Variants in SLC15A2 observed in about 807,000 individuals in gnomAD.
SLC15A2 encodes kidney H(+)/peptide cotransporter.
In SLC15A2, 77 loss-of-function variants were observed where a neutral mutation model predicts 95.5. The ratio of observed to expected loss-of-function variants is 0.81; its 90% CI spans 0.67 to 0.97. SLC15A2 has a LOEUF of 0.97. Among genes scored for constraint, SLC15A2 ranks in the 50% least tolerant of loss-of-function variants. The probability of loss-of-function intolerance (pLI) is 0.00; values close to 1 mark genes in which losing one functional copy is unlikely to be tolerated. For synonymous variants in SLC15A2, 306 were observed against 306.9 expected, an observed-to-expected ratio of 1.00 and a Z score of 0.03; for missense variants, 893 against 874.4, an observed-to-expected ratio of 1.02 and a Z score of -0.27.
In SLC15A2 at chr3:121,916,738, CATT is replaced by C. The variant is rs562303222; in HGVS notation, c.697+1050_697+1052del. Among the ~76,000 whole-genome samples, 742 of 152,256 alleles carry C rather than the reference CATT, an allele frequency of 4.9e-3. 6 individuals are homozygous for C. Among genetic ancestry groups the C allele is most frequent in the African/African-American group, 0.017 (688 of 41,548 alleles). ...GAAATGTTAAACAAGTGCTAGCTGTCATTATTAGTCAGCAGCTTCAGTTTTCTG... is the reference window on the plus strand; with the variant it reads ...GAAATGTTAAACAAGTGCTAGCTGTCATTAGTCAGCAGCTTCAGTTTTCTG... On this transcript the variant is annotated intron_variant, in intron 7 of 21. Coordinates refer to ENST00000489711, the MANE Select transcript of SLC15A2 (RefSeq NM_021082.4).
chr3:121,904,615 GT>G (rs1360900820), intron 3 of SLC15A2, among the ~76,000 whole-genome samples: 2 of 152,162 alleles, frequency 1.3e-5, no homozygotes, highest in African/African-American at 4.8e-5. Context: ...TAATCATGTG[GT>G]TTTTGTTGTT....
chr3:121,929,390 A>T (rs1710186585), intron 17 of SLC15A2, 42 bp downstream of exon 17: 1 of 1,590,772 alleles, frequency 6.3e-7, no homozygotes, highest in Non-Finnish European at 8.6e-7. Flanking sequence ...TGTTTTCTTG[A>T]ATCTTGGATC....
At chr3:121,930,665 G>A (rs372799219) in intron 17 of SLC15A2, among the ~76,000 whole-genome samples, 175 bp from the exon 18 acceptor site, 6 of 152,238 alleles carry the variant, frequency 3.9e-5, no homozygotes, top group East Asian at 1.9e-4. Context: ...TACTTTTTAC[G>A]TGTGGGTTCA....
chr3:121,942,820 G>A lies in SLC15A2; in HGVS notation c.*1813G>A, dbSNP rs1405189922. 2.0e-5 allele frequency: 3 copies of A among 152,214 alleles called. No individual in the cohort carries two copies. The highest frequency in any genetic ancestry group is 2.1e-4 in the South Asian group (1 of 4,834). 9.4% of individuals were successfully genotyped at this position (152,214 alleles called of 1,614,324 possible). A position where few individuals can be genotyped will look rare whatever the true frequency, so the allele number is the denominator to read the frequency against. ...ATTAAAGACTCTGAGATATCCTGCAGTAAAGACACAAGATACCTTGTTTAA... is the reference window on the plus strand; with the variant it reads ...ATTAAAGACTCTGAGATATCCTGCAATAAAGACACAAGATACCTTGTTTAA... On this transcript the variant is annotated 3_prime_UTR_variant, in exon 22 of 22. Coordinates refer to ENST00000489711, the MANE Select transcript of SLC15A2 (RefSeq NM_021082.4).
At chr3:121,908,083 C>T (rs1375773622) in intron 3 of SLC15A2, among the ~76,000 whole-genome samples, 3 of 152,238 alleles carry the variant, frequency 2.0e-5, no homozygotes, top group South Asian at 4.1e-4. Flanking sequence ...CAAGCCTCAG[C>T]AATGGCAGAT....
In SLC15A2 at chr3:121,913,140, G is replaced by T; in HGVS notation, c.528+20G>T. The T allele has an allele frequency of 1.9e-6, 3 of 1,584,250 alleles. No homozygotes were observed. Among genetic ancestry groups the T allele is most frequent in the Non-Finnish European group, 2.6e-6 (3 of 1,153,658 alleles). On this transcript the variant is annotated intron_variant, in intron 5 of 21. Transcript: ENST00000489711. ...AAACATGTAAGAATCCTGTTATTTT[G>T]TATTTTCAAGAATATAGAGCCAGCA... is the stretch of plus-strand genomic sequence containing the variant.
chr3:121,926,032 TGTG>T lies in SLC15A2; in HGVS notation c.1124+1003_1124+1005del, dbSNP rs1295397340. Among the ~76,000 whole-genome samples, 9 of 151,816 alleles carry T rather than the reference TGTG, an allele frequency of 5.9e-5. No homozygotes were observed. In the South Asian group the frequency reaches 8.3e-4, roughly 14 times the overall value. ...ATAAGCAAAGATGGAGGTGGGTAAATGTGGTGTATCACAGAGAAGAGCAGTTCA... is the reference window on the plus strand; with the variant it reads ...ATAAGCAAAGATGGAGGTGGGTAAATGTGTATCACAGAGAAGAGCAGTTCA... On this transcript the variant is annotated intron_variant, in intron 13 of 21. Coordinates refer to ENST00000489711, the MANE Select transcript of SLC15A2 (RefSeq NM_021082.4).
chr3:121,911,362 A>T (rs1377084760), intron 3 of SLC15A2, among the ~76,000 whole-genome samples: 1 of 152,166 alleles, frequency 6.6e-6, no homozygotes, highest in Non-Finnish European at 1.5e-5. Context: ...TACCTCTAAC[A>T]CTAAAGAGTG....
intron 3 of SLC15A2, among the ~76,000 whole-genome samples, chr3:121,910,098 A>T (rs147146681): frequency 2.2e-4 from 33 of 151,650 alleles, no homozygotes; most frequent in Admixed American, 6.6e-4. Flanking sequence ...TTTTTATTAC[A>T]ACAAAGAGAA....
chr3:121,915,547 C>A, intron 6 of SLC15A2, 69 bp from the exon 7 acceptor site: 2 of 1,223,864 alleles, frequency 1.6e-6, no homozygotes, highest in Non-Finnish European at 2.4e-6. Flanking sequence ...ACAACCTGAG[C>A]TTGTAGAATA....
intron 1 of SLC15A2, 46 bp from the exon 2 acceptor site, chr3:121,896,360 A>G (rs780248028): frequency 6.9e-6 from 10 of 1,443,626 alleles, no homozygotes; most frequent in East Asian, 6.8e-5. Flanking sequence ...TTGTTGAAAC[A>G]GGGAAAAACA....
At chr3:121,923,171 C>T (rs1710042692) in intron 10 of SLC15A2, 42 bp downstream of exon 10, 1 of 1,612,014 alleles carries the variant, frequency 6.2e-7, no homozygotes, top group African/African-American at 1.3e-5. Context: ...CTTACAGCCA[C>T]TTCCCTCTCA....
At position 121,930,940 on chromosome 3, in the gene SLC15A2, C is replaced by A; in HGVS notation, c.1654C>A (p.Gln552Lys). Reference protein sequence around the residue: ...DYGVSAYRTVQRGEYPAVHCR... With the variant: ...DYGVSAYRTVKRGEYPAVHCR... ...TGGTGTGTCTGCTTATAGAACTGTG[C>A]AAAGAGGAGAGTAAGTGCATTGCCC... Residue 552 changes from glutamine (Q) to lysine (K), a missense_variant, in exon 18 of 22, where the codon CAA becomes AAA. Gln to Lys is a moderately conservative substitution (Grantham distance 53, BLOSUM62 1). Transcript: ENST00000489711. 1.2e-6 allele frequency: 2 copies of A among 1,602,654 alleles called. No individual in the cohort carries two copies. The highest frequency in any genetic ancestry group is 1.7e-6 in the Non-Finnish European group (2 of 1,169,642).
At chr3:121,907,074 T>C (rs1440500201) in intron 3 of SLC15A2, among the ~76,000 whole-genome samples, 1 of 152,218 alleles carries the variant, frequency 6.6e-6, no homozygotes, top group Admixed American at 6.5e-5. Context: ...TCTCTAAACT[T>C]CTCTTCTTGC....
chr3:121,915,771 A>G (rs1218745867), intron 7 of SLC15A2, 78 bp downstream of exon 7: 3 of 998,314 alleles, frequency 3.0e-6, no homozygotes, highest in African/African-American at 1.6e-5. Context: ...CACTTTACAC[A>G]AGCTGTTTCA....
chr3:121,905,157 C>T (rs1033503935), intron 3 of SLC15A2, among the ~76,000 whole-genome samples: 4 of 152,190 alleles, frequency 2.6e-5, no homozygotes, highest in South Asian at 2.1e-4. Flanking sequence ...ATAGTATTCT[C>T]TGATGGTAGT....
intron 19 of SLC15A2, among the ~76,000 whole-genome samples, chr3:121,935,005 G>A (rs1204586631): frequency 6.6e-6 from 1 of 152,150 alleles, no homozygotes; most frequent in Non-Finnish European, 1.5e-5. Flanking sequence ...GGCCTTTTCT[G>A]CATCTATTGA....
chr3:121,922,967 C>T (rs1171986687), intron 9 of SLC15A2, 73 bp from the exon 10 acceptor site: 5 of 1,555,252 alleles, frequency 3.2e-6, no homozygotes, highest in South Asian at 1.1e-5. Flanking sequence ...GTTTTTTGGA[C>T]ACTTCTACTT....
At chr3:121,909,222 C>T (rs2107580475) in intron 3 of SLC15A2, among the ~76,000 whole-genome samples, 1 of 152,042 alleles carries the variant, frequency 6.6e-6, no homozygotes, top group African/African-American at 2.4e-5. Flanking sequence ...ACCACCATGC[C>T]TGGCAAATTT....
Sources: allele counts gnomAD v4.1 joint callset (sites outside exome capture counted in the v4.1 genomes callset), GRCh38; gene constraint gnomAD v4.1.1; transcripts MANE v1.5; gene names NCBI Gene and HGNC (gene_info 2026-07-23, HGNC 2026-07-21).